The following CCSER1 variants were observed in gnomAD, a reference collection of about 807,000 sequenced individuals.
CCSER1 encodes the protein serine-rich coiled-coil domain-containing protein 1.
CCSER1 carries 41 observed loss-of-function variants against 82.0 expected under a neutral mutation model. That is an observed-to-expected ratio of 0.50 (90% CI 0.39 to 0.65). The LOEUF (loss-of-function observed/expected upper bound fraction) is 0.65, where lower values mean the gene tolerates loss of function less well. Ranked by LOEUF, CCSER1 falls within the 30% of genes least tolerant of loss-of-function variation. The probability of loss-of-function intolerance (pLI) is 0.00; values close to 1 mark genes in which losing one functional copy is unlikely to be tolerated. For synonymous variants in CCSER1, 414 were observed against 383.9 expected (o/e 1.08, Z -0.92); for missense variants, 1,119 against 1,064.2 (o/e 1.05, Z -0.72).
chr4:90,392,333 T>C (rs1033079557), intron 3 of CCSER1, among the ~76,000 whole-genome samples: 4 of 152,084 alleles, frequency 2.6e-5, no homozygotes, highest in African/African-American at 4.8e-5. Context: ...CAGATATTGG[T>C]TTAAATTCAT....
At chr4:91,331,247 T>G (rs183933346) in intron 10 of CCSER1, among the ~76,000 whole-genome samples, 5 of 152,336 alleles carry the variant, frequency 3.3e-5, no homozygotes, top group Admixed American at 2.6e-4. Context: ...ATTTCTTTAA[T>G]ATCCTTGTCA....
At chr4:91,351,766 T>A (rs548653242) in intron 10 of CCSER1, among the ~76,000 whole-genome samples, 4 of 145,594 alleles carry the variant, frequency 2.7e-5, no homozygotes, top group African/African-American at 5.6e-5. Context: ...AATGTTATGA[T>A]TTTTTTTTAA....
chr4:91,551,656 A>AAC (rs58159693), intron 10 of CCSER1, among the ~76,000 whole-genome samples: 15,820 of 139,294 alleles, frequency 0.11, 902 homozygotes, highest in South Asian at 0.19. Context: ...GCAAAAAACA[A>AAC]ACACACACAC....
intron 10 of CCSER1, among the ~76,000 whole-genome samples, chr4:91,101,092 A>G (rs890243681): frequency 6.6e-6 from 1 of 152,218 alleles, no homozygotes; most frequent in East Asian, 1.9e-4. Context: ...TGACAGACAC[A>G]AAATCACTGT....
intron 1 of CCSER1, among the ~76,000 whole-genome samples, chr4:90,187,078 T>A (rs1045471330): frequency 3.9e-5 from 6 of 152,016 alleles, no homozygotes; most frequent in African/African-American, 1.4e-4. Context: ...GTAAAATGTT[T>A]GCATTTTAAA....
At chr4:90,898,489 T>C (rs1724099888) in intron 8 of CCSER1, among the ~76,000 whole-genome samples, 1 of 150,876 alleles carries the variant, frequency 6.6e-6, no homozygotes, top group Non-Finnish European at 1.5e-5. Context: ...GGTTTCACTA[T>C]GTTGGCCAGG....
At chr4:90,408,149 G>T (rs959378754) in intron 4 of CCSER1, among the ~76,000 whole-genome samples, 4 of 152,336 alleles carry the variant, frequency 2.6e-5, no homozygotes, top group African/African-American at 7.2e-5. Flanking sequence ...GCTCGAACTA[G>T]GTAGAGTCCA....
chr4:90,815,671 A>G (rs1580614747), intron 7 of CCSER1, 91 bp from the exon 8 acceptor site: 1 of 785,992 alleles, frequency 1.3e-6, no homozygotes, highest in Non-Finnish European at 2.0e-6. Context: ...GTCAGATGCA[A>G]TTATCTCCCA....
chr4:91,582,165 T>C (rs914552206), intron 10 of CCSER1, among the ~76,000 whole-genome samples: 2 of 151,578 alleles, frequency 1.3e-5, no homozygotes, highest in African/African-American at 4.8e-5. Context: ...ATGGCAGTTA[T>C]TGGAGGTCTT....
chr4:91,263,350 A>C (rs1741336413), intron 10 of CCSER1, among the ~76,000 whole-genome samples: 2 of 152,062 alleles, frequency 1.3e-5, no homozygotes, highest in Admixed American at 1.3e-4. Context: ...TTCTGCACTT[A>C]AATTTTTGTA....
intron 4 of CCSER1, among the ~76,000 whole-genome samples, chr4:90,410,495 G>C (rs747393554): frequency 1.2e-4 from 19 of 152,190 alleles, no homozygotes; most frequent in Non-Finnish European, 2.4e-4. Flanking sequence ...AACCGCTCAA[G>C]TACATGGAAA....
chr4:91,207,352 C>T (rs535795787), intron 10 of CCSER1, among the ~76,000 whole-genome samples: 2 of 150,944 alleles, frequency 1.3e-5, no homozygotes, highest in Non-Finnish European at 3.0e-5. Flanking sequence ...CTTTTCTTTT[C>T]TTTTTTTTTG....
At chr4:91,130,683 G>T (rs1312290811) in intron 10 of CCSER1, among the ~76,000 whole-genome samples, 1 of 151,778 alleles carries the variant, frequency 6.6e-6, no homozygotes, top group Non-Finnish European at 1.5e-5. Flanking sequence ...AAGGGCTTGT[G>T]TGGTTTATGA....
chr4:91,543,725 C>T (rs1393592781), intron 10 of CCSER1, among the ~76,000 whole-genome samples: 3 of 152,128 alleles, frequency 2.0e-5, no homozygotes, highest in East Asian at 1.9e-4. Context: ...TCTCTGGCTG[C>T]CCTTAACATT....
chr4:90,166,336 G>A lies in CCSER1; in HGVS notation c.-42+38505G>A, dbSNP rs563773615. On this transcript the variant is annotated intron_variant, in intron 1 of 10. Coordinates refer to ENST00000509176, the MANE Select transcript of CCSER1 (RefSeq NM_001145065.2). ...TCAACTTAATGGTGAGTTTATCAGG[G>A]CACAACCCAATCATAAGGAGCATAC... Among the ~76,000 whole-genome samples the A allele has an allele frequency of 1.9e-4, 29 of 151,892 alleles. 1 individual carries two copies. In the South Asian group the frequency reaches 5.2e-3, roughly 27 times the overall value.
rs146967718 is a variant in CCSER1, at chr4:91,420,121, C to T, written c.2218-178451C>T. On this transcript the variant is annotated intron_variant, in intron 10 of 10. Coordinates refer to ENST00000509176, the MANE Select transcript of CCSER1 (RefSeq NM_001145065.2). ...CCTAGAAGAAAACATAGGGTAAACT[C>T]TTCTTGATATTGGTCTTGGCAATGG... is the stretch of plus-strand genomic sequence containing the variant. 9.3e-4 allele frequency among the ~76,000 whole-genome samples: 142 copies of T among 152,124 alleles called. 1 individual carries two copies. The highest frequency in any genetic ancestry group is 3.3e-3 in the African/African-American group (137 of 41,490).
chr4:91,415,533 A>T (rs1368700154), intron 10 of CCSER1, among the ~76,000 whole-genome samples: 2 of 152,012 alleles, frequency 1.3e-5, no homozygotes, highest in Non-Finnish European at 2.9e-5. Flanking sequence ...ATTCTGTATG[A>T]TATGGCTATG....
chr4:90,948,337 T>C (rs112288980), intron 9 of CCSER1, among the ~76,000 whole-genome samples: 4,022 of 151,882 alleles, frequency 0.026, 107 homozygotes, highest in African/African-American at 0.076. Flanking sequence ...TGTCTTCACT[T>C]TTCAGGCAAT....
chr4:91,325,367 G>C (rs1031919341), intron 10 of CCSER1: 4 of 337,000 alleles, frequency 1.2e-5, no homozygotes, highest in Non-Finnish European at 2.3e-5. Flanking sequence ...CTGTTCATAA[G>C]TATGCCATGT....
Sources: gnomAD v4.1 joint callset for allele counts (sites outside exome capture counted in the v4.1 genomes callset) on GRCh38, gnomAD v4.1.1 for gene constraint, MANE v1.5 for transcripts, NCBI Gene and HGNC (gene_info 2026-07-23, HGNC 2026-07-21) for gene names.